The following EXOC4 variants were observed in gnomAD, a reference collection of about 807,000 sequenced individuals.
EXOC4 encodes SEC8-like 1.
In EXOC4, 71 loss-of-function variants were observed where a neutral mutation model predicts 107.2. The ratio of observed to expected loss-of-function variants is 0.66; its 90% confidence interval spans 0.55 to 0.81. The LOEUF (loss-of-function observed/expected upper bound fraction) is 0.81, where lower values mean the gene tolerates loss of function less well. Ranked by LOEUF, EXOC4 falls within the 30% of genes least tolerant of loss-of-function variation. The pLI is 0.00. For synonymous variants in EXOC4, 456 were observed against 441.2 expected (o/e 1.03, Z -0.42); for missense variants, 1,108 against 1,189.6 (o/e 0.93, Z 1.01).
At chr7:133,592,386 G>T (rs1274566262) in intron 9 of EXOC4, among the ~76,000 whole-genome samples, 1 of 151,650 alleles carries the variant, frequency 6.6e-6, no homozygotes, top group Non-Finnish European at 1.5e-5. Context: ...TTATACCTGG[G>T]AATATCTGGA....
intron 7 of EXOC4, among the ~76,000 whole-genome samples, chr7:133,384,945 A>T (rs1250552065): frequency 1.3e-5 from 2 of 152,010 alleles, no homozygotes; most frequent in Non-Finnish European, 2.9e-5. Flanking sequence ...TTGACATGGC[A>T]TTGGCTGAGA....
intron 9 of EXOC4, among the ~76,000 whole-genome samples, chr7:133,574,836 A>G (rs985266573): frequency 6.6e-6 from 1 of 152,212 alleles, no homozygotes; most frequent in Non-Finnish European, 1.5e-5. Context: ...CTATTTGGTG[A>G]AGATTTGAAA....
At chr7:133,890,502 C>T (rs1799182586) in intron 11 of EXOC4, among the ~76,000 whole-genome samples, 1 of 140,500 alleles carries the variant, frequency 7.1e-6, no homozygotes, top group Admixed American at 6.9e-5. Context: ...CTTGCCCACG[C>T]CTATGTCCTG....
intron 1 of EXOC4, among the ~76,000 whole-genome samples, chr7:133,259,662 G>A (rs1037229627): frequency 2.0e-5 from 3 of 152,044 alleles, no homozygotes; most frequent in African/African-American, 4.8e-5. Flanking sequence ...GCAGAAAACC[G>A]TGAAGATGAA....
intron 11 of EXOC4, among the ~76,000 whole-genome samples, chr7:133,874,292 A>G (rs1475867274): frequency 1.3e-5 from 2 of 152,180 alleles, no homozygotes; most frequent in Non-Finnish European, 2.9e-5. Context: ...TTTGCTCTGC[A>G]TGGAAAAGTC....
intron 9 of EXOC4, among the ~76,000 whole-genome samples, chr7:133,598,811 G>T (rs1287640217): frequency 6.6e-6 from 1 of 152,026 alleles, no homozygotes. Flanking sequence ...GTGAAACCTT[G>T]TCTCTACTAA....
At chr7:133,460,201 C>T (rs952944399) in intron 7 of EXOC4, among the ~76,000 whole-genome samples, 1 of 152,134 alleles carries the variant, frequency 6.6e-6, no homozygotes, top group Non-Finnish European at 1.5e-5. Context: ...GACCTAGATC[C>T]CTCGCATGTG....
chr7:133,628,594 G>C (rs1039177182), intron 9 of EXOC4, among the ~76,000 whole-genome samples: 39 of 152,334 alleles, frequency 2.6e-4, no homozygotes, highest in African/African-American at 8.4e-4. Context: ...TGGGGGTAGA[G>C]TGTTTTTCCC....
At chr7:133,717,706 A>G (rs996192774) in intron 10 of EXOC4, among the ~76,000 whole-genome samples, 11 of 152,350 alleles carry the variant, frequency 7.2e-5, no homozygotes, top group African/African-American at 2.4e-4. Context: ...GCAAATATAC[A>G]TTAAATGCCT....
chr7:133,348,899 T>C (rs1346833237), intron 5 of EXOC4, among the ~76,000 whole-genome samples: 3 of 152,186 alleles, frequency 2.0e-5, no homozygotes, highest in Non-Finnish European at 4.4e-5. Flanking sequence ...TTTACTAATA[T>C]TCAAAAAGTT....
intron 5 of EXOC4, among the ~76,000 whole-genome samples, chr7:133,323,976 T>C (rs1395705140): frequency 2.6e-5 from 4 of 152,218 alleles, no homozygotes; most frequent in Non-Finnish European, 5.9e-5. Flanking sequence ...CCATTTCTTC[T>C]AGATTTTCTA....
intron 7 of EXOC4, among the ~76,000 whole-genome samples, chr7:133,453,330 G>A (rs1798390370): frequency 6.6e-6 from 1 of 152,108 alleles, no homozygotes; most frequent in Non-Finnish European, 1.5e-5. Context: ...TTGGTAGCAT[G>A]GAACAGTGAT....
At chr7:133,455,497 A>T (rs1798443266) in intron 7 of EXOC4, among the ~76,000 whole-genome samples, 2 of 152,298 alleles carry the variant, frequency 1.3e-5, no homozygotes, top group Non-Finnish European at 2.9e-5. Flanking sequence ...TTAATCGTAG[A>T]TTTTCAGTTA....
chr7:133,373,136 T>A (rs1796413188), intron 6 of EXOC4, among the ~76,000 whole-genome samples: 2 of 152,210 alleles, frequency 1.3e-5, no homozygotes, highest in Non-Finnish European at 2.9e-5. Flanking sequence ...ATCTGTATGA[T>A]GCCAGATACC....
chr7:133,833,211 A>AT (rs1196967549), intron 11 of EXOC4, among the ~76,000 whole-genome samples: 2 of 118,924 alleles, frequency 1.7e-5, no homozygotes, highest in Non-Finnish European at 3.9e-5. Context: ...TAGGAGAGAA[A>AT]TTTCACGTAA....
intron 17 of EXOC4, among the ~76,000 whole-genome samples, chr7:134,049,581 C>T (rs575547988): frequency 4.6e-5 from 7 of 152,318 alleles, no homozygotes; most frequent in African/African-American, 1.4e-4. Flanking sequence ...TAAGCCTTCC[C>T]TGGCTGCTCT....
At chr7:133,567,029 A>G (rs528708649) in intron 9 of EXOC4, among the ~76,000 whole-genome samples, 1 of 152,244 alleles carries the variant, frequency 6.6e-6, no homozygotes, top group East Asian at 1.9e-4. Flanking sequence ...TAACCTTTTG[A>G]TATACTATGC....
At position 134,064,324 on chromosome 7, in the gene EXOC4, C is replaced by T. The variant is rs139944066; in HGVS notation, c.2721C>T (p.Asp907=). The T allele has an allele frequency of 2.1e-4, 322 of 1,498,548 alleles. No individual in the cohort carries two copies. In the African/African-American group the frequency reaches 3.9e-3, roughly 18 times the overall value. The allele number at this position is 1,498,548 out of a possible 1,614,324, so 92.8% of individuals were successfully genotyped here. ...ACGAGATGCTTTACAACACAGCTGACGAGCTCCTGAACCTGGTGGTGGACC... is the reference window on the plus strand; with the variant it reads ...ACGAGATGCTTTACAACACAGCTGATGAGCTCCTGAACCTGGTGGTGGACC... ...QYYEMLYNTA[D]ELLNLVVDQG... is the part of the protein sequence containing the mutation. The change falls in exon 18 of 18, where the codon GAC becomes GAT. Residue 907 remains aspartate, a synonymous_variant. Coordinates refer to ENST00000253861, the MANE Select transcript of EXOC4 (RefSeq NM_021807.4).
At chr7:133,271,035 C>T (rs971007378) in intron 1 of EXOC4, among the ~76,000 whole-genome samples, 5 of 151,698 alleles carry the variant, frequency 3.3e-5, no homozygotes, top group Admixed American at 2.6e-4. Context: ...TCTCTTGCCT[C>T]AGCCTCCCGA....
Sources: allele counts gnomAD v4.1 joint callset (sites outside exome capture counted in the v4.1 genomes callset), GRCh38; gene constraint gnomAD v4.1.1; transcripts MANE v1.5; gene names NCBI Gene and HGNC (gene_info 2026-07-23, HGNC 2026-07-21).